SFXN3: variants seen among roughly 807,000 people sequenced by gnomAD.
SFXN3 encodes the protein sideroflexin 3.
Under a neutral mutation model 40.4 loss-of-function variants are expected in SFXN3, and 31 were observed. The observed-to-expected ratio is 0.77, with a 90% confidence interval of 0.58 to 1.04. SFXN3 has a LOEUF of 1.04. Ranked by LOEUF, SFXN3 falls within the 50% of genes least tolerant of loss-of-function variation. The probability of loss-of-function intolerance (pLI) is 0.00; values close to 1 mark genes in which losing one functional copy is unlikely to be tolerated. For synonymous variants in SFXN3, 157 were observed against 160.0 expected (o/e 0.98, Z 0.14); for missense variants, 366 against 408.2 (o/e 0.90, Z 0.89).
At position 101,036,831 on chromosome 10, in the gene SFXN3, A is replaced by T; in HGVS notation, c.593+23A>T. 1 of 1,611,742 alleles carries T rather than the reference A, an allele frequency of 6.2e-7. No homozygotes were observed. The highest frequency in any genetic ancestry group is 8.5e-7 in the Non-Finnish European group (1 of 1,178,198). On this transcript the variant is annotated intron_variant, in intron 7 of 11. Transcript: ENST00000393459. This position sits in a 1 kb window ranked among gnomAD's most constrained non-coding sequence, Gnocchi z 4.2. ...GAGGTGAGTGACCCCGGCTCCTGGCATGTGCATGCCCAGAATGTAGCACAC... is the reference window on the plus strand; with the variant it reads ...GAGGTGAGTGACCCCGGCTCCTGGCTTGTGCATGCCCAGAATGTAGCACAC...
exon 3 of SFXN3, chr10:101,034,756 T>C (rs747696802): frequency 1.9e-6 from 3 of 1,614,086 alleles, no homozygotes; most frequent in African/African-American, 2.7e-5. Flanking sequence ...AGTACTTTCC[T>C]GGGCAGAGCC....
rs981437511 is a variant in SFXN3 at position 101,039,093 on chromosome 10, C to A, written c.822-82C>A. The A allele has an allele frequency of 1.6e-6, 2 of 1,248,370 alleles. No individual in the cohort carries two copies. Among genetic ancestry groups the A allele is most frequent in the African/African-American group, 1.5e-5 (1 of 67,560 alleles). 77.3% of individuals were successfully genotyped at this position (1,248,370 alleles called of 1,614,324 possible). A position where few individuals can be genotyped will look rare whatever the true frequency, so the allele number is the denominator to read the frequency against. ...ATCAATCTCCACCCCTAGGGCCTAT[C>A]TCCAAGGATGGGGTGGGGTGCAGGG... On this transcript the variant is annotated intron_variant, in intron 10 of 11. Transcript: ENST00000393459. The surrounding 1 kb of genome is among the most constrained non-coding windows in gnomAD (Gnocchi z 4.6).
In SFXN3 at chr10:101,037,057, C is replaced by A. The variant is rs757822340; in HGVS notation, c.594-19C>A. 4.3e-6 allele frequency: 7 copies of A among 1,613,006 alleles called. No homozygotes were observed. In the Admixed American group the frequency reaches 1.2e-4, roughly 27 times the overall value. On this transcript the variant is annotated intron_variant, in intron 7 of 11. Transcript: ENST00000393459. ...GGATCCGGGGCCTGTGATCTGACCC[C>A]AACCCCCCTCCCTTGCAGAGAGCTG...
At chr10:101,037,736 C>T (rs1214094605) in intron 9 of SFXN3, 13 of 1,330,640 alleles carry the variant, frequency 9.8e-6, no homozygotes, top group Non-Finnish European at 1.3e-5. Flanking sequence ...ATTCTTTTAC[C>T]CCCTAGTGCC....
intron 2 of SFXN3, 96 bp from the exon 3 acceptor site, chr10:101,034,593 GATA>G (rs1938492823): frequency 6.1e-6 from 8 of 1,309,060 alleles, no homozygotes; most frequent in Non-Finnish European, 8.6e-6. Flanking sequence ...AGGGACTGAT[GATA>G]AGCTCAGGGG....
chr10:101,039,104 G>C lies in SFXN3; in HGVS notation c.822-71G>C. On this transcript the variant is annotated intron_variant, in intron 10 of 11. Transcript: ENST00000393459. This position sits in a 1 kb window ranked among gnomAD's most constrained non-coding sequence, Gnocchi z 4.6. ...CCCCTAGGGCCTATCTCCAAGGATGGGGTGGGGTGCAGGGAGGGAACACCC... is the reference window on the plus strand; with the variant it reads ...CCCCTAGGGCCTATCTCCAAGGATGCGGTGGGGTGCAGGGAGGGAACACCC... 7.5e-6 allele frequency: 10 copies of C among 1,332,798 alleles called. No homozygotes were observed. The highest frequency in any genetic ancestry group is 1.1e-5 in the Non-Finnish European group (10 of 925,100). The allele number at this position is 1,332,798 out of a possible 1,614,324, so 82.6% of individuals were successfully genotyped here.
exon 8 of SFXN3, chr10:101,037,101 G>T: frequency 6.2e-7 from 1 of 1,613,928 alleles, no homozygotes; most frequent in South Asian, 1.1e-5. Flanking sequence ...CATCCCGGTG[G>T]CTGATGAGGC....
intron 9 of SFXN3, chr10:101,038,264 A>T (rs1938715209): frequency 8.7e-7 from 1 of 1,152,664 alleles, no homozygotes; most frequent in Non-Finnish European, 1.1e-6. Context: ...GCCGAGGAAG[A>T]GATGTGCTTG....
intron 3 of SFXN3, among the ~76,000 whole-genome samples, 197 bp downstream of exon 3, chr10:101,035,052 T>C (rs972518502): frequency 6.6e-6 from 1 of 152,222 alleles, no homozygotes; most frequent in African/African-American, 2.4e-5. Context: ...ATGGCATTGA[T>C]ATTTATGGGA....
In SFXN3 at chr10:101,039,217, G is replaced by A; in HGVS notation, c.864G>A (p.Gln288=). ...CCCTGTGCTGTGCCCTATTCCCCCA[G>A]AAGAGGTAAGTGCTGTCCCTGGGCT... Residue 288 remains glutamine (Q), a synonymous_variant, in exon 11 of 12, where the codon CAG becomes CAA. Coordinates refer to ENST00000393459, the Ensembl canonical transcript of SFXN3. This position sits in a 1 kb window ranked among gnomAD's most constrained non-coding sequence, Gnocchi z 4.6. 2 of 1,604,186 alleles carry A rather than the reference G, an allele frequency of 1.2e-6. No homozygotes were observed. Among genetic ancestry groups the A allele is most frequent in the Non-Finnish European group, 1.7e-6 (2 of 1,175,248 alleles).
intron 7 of SFXN3, 35 bp from the exon 8 acceptor site, chr10:101,037,041 G>A: frequency 3.1e-6 from 5 of 1,611,342 alleles, no homozygotes; most frequent in African/African-American, 1.3e-5. Flanking sequence ...GGGATCCGGG[G>A]CCTGTGATCT....
At chr10:101,033,161 C>G (rs1339008407) in intron 2 of SFXN3, among the ~76,000 whole-genome samples, 3 of 152,134 alleles carry the variant, frequency 2.0e-5, no homozygotes, top group Admixed American at 6.5e-5. Flanking sequence ...GCCAGTAAGG[C>G]CTTGCTCTCC....
At chr10:101,034,670 G>C (rs1407928458) in intron 2 of SFXN3, 22 bp from the exon 3 acceptor site, 1 of 1,612,942 alleles carries the variant, frequency 6.2e-7, no homozygotes, top group Non-Finnish European at 8.5e-7. Context: ...CTCCCGCTCT[G>C]ACCCTTATCT....
exon 2 of SFXN3, chr10:101,032,404 G>C: frequency 6.8e-7 from 1 of 1,470,082 alleles, no homozygotes; most frequent in South Asian, 1.3e-5. Flanking sequence ...CGTCCCGCGT[G>C]ATGGCTGGGA....
At chr10:101,035,828 G>A (rs941059872) in intron 4 of SFXN3, 161 bp downstream of exon 4, 13 of 1,156,692 alleles carry the variant, frequency 1.1e-5, no homozygotes, top group Middle Eastern at 2.0e-4. Flanking sequence ...CCCAGAGACA[G>A]TAGGTGTGTT....
chr10:101,038,818 T>G, intron 10 of SFXN3, 126 bp downstream of exon 10: 1 of 1,433,908 alleles, frequency 7.0e-7, no homozygotes, highest in South Asian at 1.2e-5. Context: ...GGGTGTGTGT[T>G]TGGAACAACT....
chr10:101,038,557 G>A, intron 9 of SFXN3, 86 bp from the exon 10 acceptor site: 1 of 1,611,020 alleles, frequency 6.2e-7, no homozygotes, highest in Non-Finnish European at 8.5e-7. Context: ...AGGCAAGGCT[G>A]ATGGGATAGA....
At chr10:101,035,125 C>A (rs758185345) in intron 3 of SFXN3, among the ~76,000 whole-genome samples, 2 of 152,336 alleles carry the variant, frequency 1.3e-5, no homozygotes, top group Non-Finnish European at 2.9e-5. Flanking sequence ...TCACCCTCTG[C>A]AAGGATAGAG....
intron 3 of SFXN3, 122 bp downstream of exon 3, chr10:101,034,977 T>G: frequency 7.9e-7 from 1 of 1,273,374 alleles, no homozygotes; most frequent in Non-Finnish European, 1.1e-6. Flanking sequence ...CCTCACTCTC[T>G]AGCCCCGTCT....
Sources: allele counts gnomAD v4.1 joint callset (sites outside exome capture counted in the v4.1 genomes callset), GRCh38; gene constraint gnomAD v4.1.1; non-coding constraint Gnocchi (gnomAD v3.1); transcripts MANE v1.5; gene names NCBI Gene and HGNC (gene_info 2026-07-23, HGNC 2026-07-21).